Variants in TUBB8 observed in about 807,000 individuals in gnomAD.
TUBB8 encodes tubulin beta-8 chain.
A neutral mutation model predicts 33.7 loss-of-function variants in TUBB8; 25 were observed. That is an observed-to-expected ratio of 0.74 (90% CI 0.54 to 1.04). The LOEUF (loss-of-function observed/expected upper bound fraction) is 1.04, where lower values mean the gene tolerates loss of function less well. Ranked by LOEUF, TUBB8 falls within the 50% of genes least tolerant of loss-of-function variation. The pLI is 0.00. For synonymous variants in TUBB8, 245 were observed against 240.1 expected, an observed-to-expected ratio of 1.02 and a Z score of -0.19; for missense variants, 279 against 608.0, an observed-to-expected ratio of 0.46 and a Z score of 5.69.
chr10:55,370 G>C (rs12255849), intron 1 of TUBB8, among the ~76,000 whole-genome samples: 23 of 146,364 alleles, frequency 1.6e-4, no homozygotes, highest in African/African-American at 2.6e-4. Context: ...GGACACAAAG[G>C]CTAACCATAT....
chr10:72,866 A>ACC (rs1834756665), intron 1 of TUBB8, among the ~76,000 whole-genome samples: 1 of 139,558 alleles, frequency 7.2e-6, no homozygotes, highest in African/African-American at 2.6e-5. Context: ...AAAAAAAAAA[A>ACC]AAAGCAAAAA....
chr10:51,342 C>G (rs565015391), upstream of TUBB8, among the ~76,000 whole-genome samples: 92 of 152,252 alleles, frequency 6.0e-4, 1 homozygote, highest in Non-Finnish European at 8.4e-4. Context: ...CTCCTCACCT[C>G]AGGTCATCCA....
At chr10:65,673 C>T (rs7923210) in intron 1 of TUBB8, among the ~76,000 whole-genome samples, 10,233 of 151,802 alleles carry the variant, frequency 0.067, 209 homozygotes, top group Non-Finnish European at 0.079. Flanking sequence ...TGCAGTGAGC[C>T]GAGATCGTGC....
At chr10:74,365 G>T (rs1834780899), upstream of TUBB8, among the ~76,000 whole-genome samples, 1 of 151,496 alleles carries the variant, frequency 6.6e-6, no homozygotes, top group Non-Finnish European at 1.5e-5. Context: ...ACCAGTTCAC[G>T]CCTGTAATCC....
At chr10:68,093 A>G (rs1834693887) in intron 1 of TUBB8, among the ~76,000 whole-genome samples, 1 of 152,236 alleles carries the variant, frequency 6.6e-6, no homozygotes, top group African/African-American at 2.4e-5. Context: ...ATACACAGAG[A>G]GCTGTTAAAG....
At chr10:72,865 A>AC (rs781798521) in intron 1 of TUBB8, among the ~76,000 whole-genome samples, 2,767 of 146,760 alleles carry the variant, frequency 0.019, 46 homozygotes, top group Non-Finnish European at 0.028. Context: ...AAAAAAAAAA[A>AC]AAAAGCAAAA....
chr10:66,338 A>G (rs1363819179), intron 1 of TUBB8, among the ~76,000 whole-genome samples: 1 of 152,234 alleles, frequency 6.6e-6, no homozygotes, highest in Non-Finnish European at 1.5e-5. Context: ...AACAAACAAC[A>G]TGAGAATGTA....
At chr10:75,528 G>C, upstream of TUBB8, among the ~76,000 whole-genome samples, 1 of 150,826 alleles carries the variant, frequency 6.6e-6, no homozygotes, top group Non-Finnish European at 1.5e-5. Context: ...GGTGGTGGGC[G>C]CCTGTAATCG....
At chr10:75,521 G>C (rs553426306), upstream of TUBB8, among the ~76,000 whole-genome samples, 86 of 151,296 alleles carry the variant, frequency 5.7e-4, 1 homozygote, top group African/African-American at 2.0e-3. Flanking sequence ...CAGATGTGGT[G>C]GTGGGCGCCT....
Position 48,943 on chromosome 10 carries a change from G to A in TUBB8, c.58-31C>T, listed in dbSNP as rs368985079. 4.5e-5 allele frequency: 64 copies of A among 1,419,332 alleles called. 1 individual carries two copies. The highest frequency in any genetic ancestry group is 3.4e-4 in the African/African-American group (24 of 70,432). 87.9% of individuals were successfully genotyped at this position (1,419,332 alleles called of 1,614,324 possible). A position where few individuals can be genotyped will look rare whatever the true frequency, so the allele number is the denominator to read the frequency against. Reference sequence around the variant, plus strand: ...AGAGACGGGAGGAGACAGACAGGCCGGGGCTGAGTCAGGGAGGCGCCCCAG... The same window carrying A: ...AGAGACGGGAGGAGACAGACAGGCCAGGGCTGAGTCAGGGAGGCGCCCCAG... On this transcript the variant is annotated intron_variant, in intron 1 of 3. Transcript: ENST00000568584.
At chr10:61,169 T>C (rs1554740799) in intron 1 of TUBB8, among the ~76,000 whole-genome samples, 1 of 152,012 alleles carries the variant, frequency 6.6e-6, no homozygotes, top group Non-Finnish European at 1.5e-5. Flanking sequence ...GGCACATGTA[T>C]ACATATGTAA....
intron 1 of TUBB8, among the ~76,000 whole-genome samples, chr10:72,536 C>T (rs1374475061): frequency 6.7e-6 from 1 of 150,234 alleles, no homozygotes; most frequent in Non-Finnish European, 1.5e-5. Context: ...CCAGCCTGGG[C>T]GACAAAGTGA....
intron 1 of TUBB8, among the ~76,000 whole-genome samples, chr10:61,507 A>T (rs1347349170): frequency 6.6e-6 from 1 of 152,206 alleles, no homozygotes; most frequent in Non-Finnish European, 1.5e-5. Flanking sequence ...ATGTTTTTAG[A>T]CTTGCTACTT....
chr10:72,162 T>C (rs1446653298), intron 1 of TUBB8, among the ~76,000 whole-genome samples: 1 of 150,902 alleles, frequency 6.6e-6, no homozygotes. Flanking sequence ...GAGGCAGAGG[T>C]TGCAGTGAGC....
At chr10:71,182 GCA>G (rs1476763545) in intron 1 of TUBB8, among the ~76,000 whole-genome samples, 1 of 152,094 alleles carries the variant, frequency 6.6e-6, no homozygotes, top group African/African-American at 2.4e-5. Context: ...AGGCATCATG[GCA>G]CACACTTGTA....
At chr10:64,975 T>TAAAAAAAAAAAA (rs61340461) in intron 1 of TUBB8, among the ~76,000 whole-genome samples, 7 of 118,566 alleles carry the variant, frequency 5.9e-5, no homozygotes, top group Admixed American at 9.0e-5. Context: ...CCATCTCCAC[T>TAAAAAAAAAAAA]AAAAAAAAAA....
intron 1 of TUBB8, among the ~76,000 whole-genome samples, chr10:64,347 C>A (rs1361774493): frequency 6.9e-6 from 1 of 144,126 alleles, no homozygotes; most frequent in Non-Finnish European, 1.6e-5. Flanking sequence ...TAACCCTTAC[C>A]CTAACCCTAA....
At chr10:72,058 T>A (rs1413464162) in intron 1 of TUBB8, among the ~76,000 whole-genome samples, 1 of 151,878 alleles carries the variant, frequency 6.6e-6, no homozygotes, top group Non-Finnish European at 1.5e-5. Flanking sequence ...AAACCCCATC[T>A]CTATTAAAAA....
intron 1 of TUBB8, among the ~76,000 whole-genome samples, chr10:60,084 TC>T (rs1213722163): frequency 6.6e-5 from 10 of 152,350 alleles, no homozygotes; most frequent in African/African-American, 2.2e-4. Flanking sequence ...GTTTCATTGA[TC>T]TTTTGCACTG....
Sources: gnomAD v4.1 joint callset for allele counts (sites outside exome capture counted in the v4.1 genomes callset) on GRCh38, gnomAD v4.1.1 for gene constraint, MANE v1.5 for transcripts, NCBI Gene and HGNC (gene_info 2026-07-23, HGNC 2026-07-21) for gene names.